The following PVT1 variants were observed in gnomAD, a reference collection of about 807,000 sequenced individuals.
PVT1 encodes the protein Pvt1 oncogene.
intron 4 of PVT1, among the ~76,000 whole-genome samples, chr8:128,058,971 T>C (rs1813797729): frequency 6.6e-6 from 1 of 152,164 alleles, no homozygotes; most frequent in Admixed American, 6.5e-5. Flanking sequence ...GTGTAGTGAG[T>C]GCCCTTTTAT....
At chr8:127,882,307 G>A (rs919196205) in intron 2 of PVT1, among the ~76,000 whole-genome samples, 3 of 152,126 alleles carry the variant, frequency 2.0e-5, no homozygotes. Context: ...TCAGCGGGGG[G>A]ACAGCTGCCG....
intron 4 of PVT1, among the ~76,000 whole-genome samples, chr8:128,066,351 C>T (rs1238925415): frequency 6.6e-6 from 1 of 152,178 alleles, no homozygotes; most frequent in African/African-American, 2.4e-5. Context: ...CTGATCAGTG[C>T]TATGTGTAGA....
intron 2 of PVT1, among the ~76,000 whole-genome samples, chr8:127,800,132 A>G (rs555616490): frequency 6.6e-6 from 1 of 152,342 alleles, no homozygotes; most frequent in East Asian, 1.9e-4. Flanking sequence ...AGCACTTAGC[A>G]CAGAGGAATA....
At chr8:127,801,526 C>A (rs1304727091) in intron 2 of PVT1, among the ~76,000 whole-genome samples, 1 of 152,178 alleles carries the variant, frequency 6.6e-6, no homozygotes, top group African/African-American at 2.4e-5. Flanking sequence ...CAGGTGTGAA[C>A]CACTGTGACT....
Position 127,835,526 on chromosome 8 carries a change from A to G in PVT1, n.372+39455A>G, listed in dbSNP as rs557679109. Among the ~76,000 whole-genome samples the G allele has an allele frequency of 3.3e-4, 50 of 152,246 alleles. 1 individual carries two copies. The highest frequency in any genetic ancestry group is 1.2e-3 in the African/African-American group (48 of 41,544). On this transcript the variant is annotated intron_variant and non_coding_transcript_variant, in intron 2 of 10. Transcript: ENST00000651587. ...GGCTTAAAACCTAGAAGATGGGTTG[A>G]TGGGTGCAGCAAACCACCATGGCAC...
At chr8:128,098,944 T>G (rs77738517) in intron 6 of PVT1, among the ~76,000 whole-genome samples, 1,662 of 152,266 alleles carry the variant, frequency 0.011, 35 homozygotes, top group African/African-American at 0.036. Context: ...CATTTGTGAG[T>G]GAGTTACTGT....
At chr8:128,094,867 C>CT (rs1814406892) in intron 5 of PVT1, among the ~76,000 whole-genome samples, 1 of 152,206 alleles carries the variant, frequency 6.6e-6, no homozygotes, top group African/African-American at 2.4e-5. Flanking sequence ...GCTCCAGAGC[C>CT]TCCCCAGACC....
chr8:127,971,028 A>G (rs946128376), intron 3 of PVT1, among the ~76,000 whole-genome samples: 9 of 152,240 alleles, frequency 5.9e-5, no homozygotes, highest in African/African-American at 2.2e-4. Context: ...AGGTACCATT[A>G]TAACAGCAGA....
chr8:127,967,494 T>C (rs1395223800), intron 3 of PVT1, among the ~76,000 whole-genome samples: 1 of 152,206 alleles, frequency 6.6e-6, no homozygotes, highest in Non-Finnish European at 1.5e-5. Flanking sequence ...GCAAGTGGTG[T>C]GTTCATCTGT....
intron 3 of PVT1, among the ~76,000 whole-genome samples, chr8:127,959,208 T>C (rs1816607665): frequency 6.6e-6 from 1 of 152,248 alleles, no homozygotes; most frequent in Admixed American, 6.5e-5. Flanking sequence ...TCCTGTCTTA[T>C]GTTTTTATCT....
At chr8:127,807,443 C>T (rs1814540550) in intron 2 of PVT1, among the ~76,000 whole-genome samples, 1 of 152,208 alleles carries the variant, frequency 6.6e-6, no homozygotes, top group South Asian at 2.1e-4. Context: ...AAGTGATTCT[C>T]CTGCCTCAGC....
chr8:127,864,797 C>T (rs1046457948), intron 2 of PVT1, among the ~76,000 whole-genome samples: 3 of 152,202 alleles, frequency 2.0e-5, no homozygotes, highest in African/African-American at 7.2e-5. Context: ...ATCCGCCCGC[C>T]TCAGCCTCCC....
chr8:127,981,156 C>T (rs181688053), intron 3 of PVT1, among the ~76,000 whole-genome samples: 44 of 152,138 alleles, frequency 2.9e-4, no homozygotes, highest in African/African-American at 1.0e-3. Context: ...TGTAAATGAA[C>T]TATTATATTT....
intron 3 of PVT1, among the ~76,000 whole-genome samples, chr8:127,955,529 G>A (rs1264102595): frequency 6.6e-6 from 1 of 152,116 alleles, no homozygotes; most frequent in African/African-American, 2.4e-5. Flanking sequence ...AAGATACTAA[G>A]TTTCCAACAC....
intron 2 of PVT1, among the ~76,000 whole-genome samples, chr8:127,819,099 C>T (rs533451103): frequency 3.9e-5 from 6 of 152,296 alleles, no homozygotes; most frequent in East Asian, 3.9e-4. Context: ...TAACTGGCTG[C>T]GAGCCCCGGG....
intron 2 of PVT1, among the ~76,000 whole-genome samples, chr8:127,847,564 A>G (rs2129727116): frequency 6.6e-6 from 1 of 152,332 alleles, no homozygotes; most frequent in Non-Finnish European, 1.5e-5. Context: ...AAAGCAAAAG[A>G]CTGGGAGTAA....
chr8:127,822,839 C>G (rs1194890326), intron 2 of PVT1, among the ~76,000 whole-genome samples: 1 of 152,052 alleles, frequency 6.6e-6, no homozygotes, highest in Non-Finnish European at 1.5e-5. Context: ...TGCAATGTGG[C>G]AAGTGGGAAA....
chr8:128,066,073 G>T (rs77684425), intron 4 of PVT1, among the ~76,000 whole-genome samples: 2,658 of 152,338 alleles, frequency 0.017, 51 homozygotes, highest in East Asian at 0.069. Flanking sequence ...GAGAAGGAAA[G>T]TGGCTGGGTG....
At chr8:128,099,846 TCTA>T (rs1398024774) in intron 6 of PVT1, 2 of 152,320 alleles carry the variant, frequency 1.3e-5, no homozygotes, top group African/African-American at 2.4e-5. Context: ...TCAATAGTCT[TCTA>T]CAACAAACTT....
Sources: gnomAD v4.1 joint callset for allele counts (sites outside exome capture counted in the v4.1 genomes callset) on GRCh38, gnomAD v4.1.1 for gene constraint, MANE v1.5 for transcripts, NCBI Gene and HGNC (gene_info 2026-07-23, HGNC 2026-07-21) for gene names.